SAMD12: variants seen among roughly 807,000 people sequenced by gnomAD.
The protein encoded by SAMD12 is sterile alpha motif domain-containing protein 12.
A neutral mutation model predicts 15.0 loss-of-function variants in SAMD12; 9 were observed. That is an observed-to-expected ratio of 0.60 (90% CI 0.36 to 1.05). The LOEUF (loss-of-function observed/expected upper bound fraction) is 1.05, where lower values mean the gene tolerates loss of function less well. Among genes scored for constraint, SAMD12 ranks in the 50% least tolerant of loss-of-function variants. The pLI, the probability that SAMD12 is intolerant of heterozygous loss-of-function variation, is 0.01. For missense variants in SAMD12, 230 were observed against 234.2 expected, an observed-to-expected ratio of 0.98 and a Z score of 0.12; for synonymous variants, 86 against 90.1, an observed-to-expected ratio of 0.96 and a Z score of 0.25.
intron 2 of SAMD12, among the ~76,000 whole-genome samples, chr8:118,517,999 G>C (rs1412438178): frequency 1.3e-5 from 2 of 152,114 alleles, no homozygotes; most frequent in Admixed American, 6.5e-5. Flanking sequence ...AGCAGGCTCA[G>C]ACTCACTCTT....
chr8:118,321,146 T>TAAATAA (rs1216586644), intron 4 of SAMD12, among the ~76,000 whole-genome samples: 27 of 4,128 alleles, frequency 6.5e-3, no homozygotes, highest in South Asian at 0.018. Context: ...AGATAATAAA[T>TAAATAA]ATATATATAT....
At chr8:118,393,952 A>G (rs1280580152) in intron 3 of SAMD12, among the ~76,000 whole-genome samples, 1 of 152,162 alleles carries the variant, frequency 6.6e-6, no homozygotes, top group Non-Finnish European at 1.5e-5. Flanking sequence ...TAGCACTTCA[A>G]GTGAAGTTTA....
At chr8:118,586,733 C>T (rs547799531) in intron 1 of SAMD12, among the ~76,000 whole-genome samples, 2 of 152,156 alleles carry the variant, frequency 1.3e-5, no homozygotes, top group South Asian at 4.2e-4. Context: ...TGACTAGGAG[C>T]CCCCAGAAGA....
intron 2 of SAMD12, among the ~76,000 whole-genome samples, chr8:118,449,358 CCT>C (rs1427134953): frequency 6.6e-6 from 1 of 151,712 alleles, no homozygotes; most frequent in Non-Finnish European, 1.5e-5. Context: ...ACCGCACCAG[CCT>C]ACAGAGGCAG....
At chr8:118,521,935 TACAGTC>T (rs1206239844) in intron 2 of SAMD12, among the ~76,000 whole-genome samples, 2 of 152,118 alleles carry the variant, frequency 1.3e-5, no homozygotes, top group Non-Finnish European at 2.9e-5. Context: ...CAAGGAATCT[TACAGTC>T]AGTAAGTATA....
the SAMD12 span, among the ~76,000 whole-genome samples, chr8:118,177,340 A>G: frequency 3.3e-5 from 5 of 151,860 alleles, no homozygotes; most frequent in African/African-American, 4.8e-5. Flanking sequence ...TCCTGGGCTC[A>G]AGCCATCATC....
rs569266704 is a variant in SAMD12 at position 118,597,192 on chromosome 8, C to T, written c.14-16299G>A. Among the ~76,000 whole-genome samples, 5 of 152,262 alleles carry T rather than the reference C, an allele frequency of 3.3e-5. No individual in the cohort carries two copies. In the East Asian group the frequency reaches 9.7e-4, roughly 29 times the overall value. On this transcript the variant is annotated intron_variant, in intron 1 of 3. Coordinates refer to ENST00000314727, the MANE Select transcript of SAMD12 (RefSeq NM_207506.3). ...AAGGATTTTCCTCTTTATCCTAGGG[C>T]CAACGGGGGCTCCTTAGGGCTCAGC... is the stretch of plus-strand genomic sequence containing the variant.
At chr8:118,282,272 G>T in intron 4 of SAMD12, 1 of 456,154 alleles carries the variant, frequency 2.2e-6, no homozygotes, top group Non-Finnish European at 4.4e-6. Context: ...CTTTTAACTT[G>T]GGTCATTTAA....
chr8:118,139,017 G>C, the SAMD12 span, among the ~76,000 whole-genome samples: 1 of 152,158 alleles, frequency 6.6e-6, no homozygotes, highest in African/African-American at 2.4e-5. Context: ...CAGCCAAGGA[G>C]ACTGAGAATA....
At position 118,412,803 on chromosome 8, in the gene SAMD12, T is replaced by C. The variant is rs150811444; in HGVS notation, c.322+27029A>G. Among the ~76,000 whole-genome samples the C allele has an allele frequency of 4.1e-3, 626 of 152,280 alleles. 4 individuals carry two copies. The highest frequency in any genetic ancestry group is 0.024 in the Middle Eastern group (7 of 294). ...TAATAAAATGGTTGTCATTTTAAGC[T>C]ACTAAGTTTTGGAGCATTTTGTTTT... On this transcript the variant is annotated intron_variant, in intron 3 of 3. Coordinates refer to ENST00000314727, the MANE Select transcript of SAMD12 (RefSeq NM_207506.3).
chr8:118,322,795 G>A (rs547915326), intron 4 of SAMD12, among the ~76,000 whole-genome samples: 1 of 152,184 alleles, frequency 6.6e-6, no homozygotes, highest in South Asian at 2.1e-4. Flanking sequence ...AACTGTTCAC[G>A]TTTAGCTGGG....
At chr8:118,213,138 T>C (rs1187498148) in intron 4 of SAMD12, among the ~76,000 whole-genome samples, 1 of 152,194 alleles carries the variant, frequency 6.6e-6, no homozygotes, top group Non-Finnish European at 1.5e-5. Context: ...ATGAATGATC[T>C]CCATATCCTA....
chr8:118,555,092 A>T (rs1286209450), intron 2 of SAMD12, among the ~76,000 whole-genome samples: 2 of 152,222 alleles, frequency 1.3e-5, no homozygotes, highest in Non-Finnish European at 2.9e-5. Flanking sequence ...TAATAATTCA[A>T]CAACCACAAA....
At chr8:118,389,476 G>A (rs940813316) in intron 3 of SAMD12, among the ~76,000 whole-genome samples, 1 of 152,172 alleles carries the variant, frequency 6.6e-6, no homozygotes, top group African/African-American at 2.4e-5. Flanking sequence ...TTTGGGAGCA[G>A]GCAGATCACT....
At chr8:118,457,009 C>A (rs1274579690) in intron 2 of SAMD12, among the ~76,000 whole-genome samples, 2 of 152,148 alleles carry the variant, frequency 1.3e-5, no homozygotes, top group Non-Finnish European at 2.9e-5. Flanking sequence ...TCTGCTTCAC[C>A]ATCAAGATAA....
downstream of SAMD12, among the ~76,000 whole-genome samples, chr8:118,374,022 A>G (rs539153030): frequency 2.0e-5 from 3 of 152,168 alleles, no homozygotes; most frequent in East Asian, 1.9e-4. Context: ...ATAGTACTAA[A>G]TCTACTATCT....
At chr8:118,202,303 T>C (rs1315079039) in intron 4 of SAMD12, among the ~76,000 whole-genome samples, 1 of 152,196 alleles carries the variant, frequency 6.6e-6, no homozygotes, top group African/African-American at 2.4e-5. Context: ...TCTAATGCTA[T>C]AGCTGGGGGC....
intron 2 of SAMD12, among the ~76,000 whole-genome samples, chr8:118,552,015 TG>T (rs1381381425): frequency 6.6e-6 from 1 of 151,380 alleles, no homozygotes; most frequent in Non-Finnish European, 1.5e-5. Context: ...TAACAGGAGC[TG>T]AAATTGTGGC....
chr8:118,343,885 G>A (rs567241114), intron 4 of SAMD12, among the ~76,000 whole-genome samples: 3 of 152,186 alleles, frequency 2.0e-5, no homozygotes, highest in Non-Finnish European at 4.4e-5. Flanking sequence ...CTTCCGTTAA[G>A]TTACTTAACC....
Sources: gnomAD v4.1 joint callset for allele counts (sites outside exome capture counted in the v4.1 genomes callset) on GRCh38, gnomAD v4.1.1 for gene constraint, MANE v1.5 for transcripts, NCBI Gene and HGNC (gene_info 2026-07-23, HGNC 2026-07-21) for gene names.